Variants in ZNF420 observed in about 807,000 individuals in gnomAD.
The protein encoded by ZNF420 is ATM and p53-associated KZNF protein.
ZNF420 carries 31 observed loss-of-function variants against 44.7 expected under a neutral mutation model. The ratio of observed to expected loss-of-function variants is 0.69; its 90% CI spans 0.52 to 0.94. The LOEUF is 0.94. Ranked by LOEUF, ZNF420 falls within the 40% of genes least tolerant of loss-of-function variation. ZNF420 has a pLI of 0.00. For synonymous variants in ZNF420, 245 were observed against 267.4 expected (o/e 0.92, Z 0.82); for missense variants, 681 against 827.9 (o/e 0.82, Z 2.18).
At position 37,089,296 on chromosome 19, in the gene ZNF420, G is replaced by A. The variant is rs1357974826; in HGVS notation, c.9+169G>A. Among the ~76,000 whole-genome samples, 5 of 152,024 alleles carry A rather than the reference G, an allele frequency of 3.3e-5. No homozygotes were observed. The East Asian group carries it at 5.8e-4, about 18-fold the overall frequency. On this transcript the variant is annotated intron_variant, in intron 3 of 4. Transcript: ENST00000337995. ...AGTGTCTTCCCTAAGTGTGTCTTTC[G>A]AATCTAACCTTTAGTCACATACTTA...
chr19:37,034,424 T>C (rs1967317061), intron 1 of ZNF420, among the ~76,000 whole-genome samples: 1 of 152,232 alleles, frequency 6.6e-6, no homozygotes, highest in East Asian at 1.9e-4. Context: ...TTATCAAATA[T>C]ATTATTTGAA....
chr19:37,052,262 C>T (rs972141262), intron 1 of ZNF420, among the ~76,000 whole-genome samples: 10 of 151,942 alleles, frequency 6.6e-5, no homozygotes, highest in East Asian at 1.9e-4. Context: ...TGTCTCTGCA[C>T]GTGAGATGGG....
At position 37,013,362 on chromosome 19, in the gene ZNF420, G is replaced by A. The variant is rs549926949; in HGVS notation, c.-125+5280G>A. Reference sequence around the variant, plus strand: ...CGTGTGCAGGTTCTCACGTCTTAATGATCCCCTCCATCGTCTGGGGAATGG... The same window carrying A: ...CGTGTGCAGGTTCTCACGTCTTAATAATCCCCTCCATCGTCTGGGGAATGG... On this transcript the variant is annotated intron_variant, in intron 1 of 4. Coordinates refer to the ZNF420 transcript ENST00000587029. Among the ~76,000 whole-genome samples the A allele has an allele frequency of 3.9e-5, 6 of 152,272 alleles. No individual in the cohort carries two copies. In the South Asian group the frequency reaches 1.0e-3, roughly 26 times the overall value.
intron 4 of ZNF420, among the ~76,000 whole-genome samples, chr19:37,103,967 A>ATTTTTTT (rs58366687): frequency 6.9e-6 from 1 of 144,270 alleles, no homozygotes; most frequent in African/African-American, 2.5e-5. Context: ...CTCTTCTCTC[A>ATTTTTTT]TTTTTTTTTT....
intron 4 of ZNF420, among the ~76,000 whole-genome samples, chr19:37,122,665 C>G (rs979777610): frequency 2.6e-5 from 4 of 152,126 alleles, no homozygotes; most frequent in Non-Finnish European, 1.5e-5. Flanking sequence ...TCCGTGCTCT[C>G]TTAATTTTTC....
chr19:37,130,257 A>C lies in ZNF420; in HGVS notation c.*1199A>C. The stretch of plus-strand genomic sequence containing the variant: ...CCTGATGACTTTGTGGAACAGCCAT[A>C]CTAGCTCTGGTCTGCTTGCCTCCTG... On this transcript the variant is annotated 3_prime_UTR_variant, in exon 5 of 5. Coordinates refer to ENST00000337995, the MANE Select transcript of ZNF420 (RefSeq NM_144689.5). 6.6e-7 allele frequency: 1 copy of C among 1,506,140 alleles called. No homozygotes were observed. The highest frequency in any genetic ancestry group is 8.9e-7 in the Non-Finnish European group (1 of 1,126,804). 93.3% of individuals were successfully genotyped at this position (1,506,140 alleles called of 1,614,324 possible). A position where few individuals can be genotyped will look rare whatever the true frequency, so the allele number is the denominator to read the frequency against.
chr19:37,118,457 C>G (rs994281818), intron 4 of ZNF420, among the ~76,000 whole-genome samples: 1 of 152,128 alleles, frequency 6.6e-6, no homozygotes, highest in Admixed American at 6.5e-5. Context: ...CCTAAAAGAG[C>G]TCCTGAAGGA....
At chr19:37,021,646 G>A (rs1163903046) in intron 1 of ZNF420, among the ~76,000 whole-genome samples, 1 of 152,040 alleles carries the variant, frequency 6.6e-6, no homozygotes, top group African/African-American at 2.4e-5. Context: ...CTTTGAAAAT[G>A]AGTAGTTGTA....
intron 1 of ZNF420, among the ~76,000 whole-genome samples, chr19:37,066,621 T>C (rs1967972142): frequency 6.6e-6 from 1 of 152,288 alleles, no homozygotes; most frequent in African/African-American, 2.4e-5. Flanking sequence ...TAATGAGATA[T>C]ATAGCCAGAA....
intron 1 of ZNF420, among the ~76,000 whole-genome samples, chr19:37,057,605 C>G (rs1328430914): frequency 1.3e-5 from 2 of 152,040 alleles, no homozygotes; most frequent in African/African-American, 2.4e-5. Flanking sequence ...TTTTGGTGAG[C>G]CTTTTTTTTG....
intron 4 of ZNF420, among the ~76,000 whole-genome samples, chr19:37,105,808 G>A (rs1489553266): frequency 6.6e-6 from 1 of 152,110 alleles, no homozygotes; most frequent in Non-Finnish European, 1.5e-5. Flanking sequence ...TTGTGAATGG[G>A]AGTTCACTCA....
At chr19:37,025,551 A>G (rs1455695082) in intron 1 of ZNF420, among the ~76,000 whole-genome samples, 3 of 151,826 alleles carry the variant, frequency 2.0e-5, no homozygotes, top group Non-Finnish European at 4.4e-5. Flanking sequence ...TTCTGTGATG[A>G]TACATTATTA....
chr19:37,107,033 T>G (rs1028055206), intron 4 of ZNF420: 1 of 152,164 alleles, frequency 6.6e-6, no homozygotes, highest in African/African-American at 2.4e-5. Flanking sequence ...CCTATCTCAG[T>G]AAATAGAACA....
At chr19:37,071,689 T>C (rs1030451431) in intron 1 of ZNF420, among the ~76,000 whole-genome samples, 2 of 152,062 alleles carry the variant, frequency 1.3e-5, no homozygotes, top group Non-Finnish European at 2.9e-5. Flanking sequence ...TAGTCCCAGC[T>C]ACTCGGGAGG....
chr19:37,116,345 G>A (rs1363465822), intron 4 of ZNF420, among the ~76,000 whole-genome samples: 5 of 142,884 alleles, frequency 3.5e-5, no homozygotes, highest in African/African-American at 1.4e-4. Context: ...CTTCAGCCTG[G>A]GCAACAGAGC....
At chr19:37,035,699 A>C (rs896713721) in intron 1 of ZNF420, among the ~76,000 whole-genome samples, 1 of 152,192 alleles carries the variant, frequency 6.6e-6, no homozygotes, top group Non-Finnish European at 1.5e-5. Context: ...TGCATCCTTC[A>C]TCTACAAAAT....
chr19:37,080,339 GAGTAGAGCCC>G lies in ZNF420; in HGVS notation c.-124-3_-118del. 6.6e-6 allele frequency: 1 copy of G among 152,616 alleles called. No individual in the cohort carries two copies. The highest frequency in any genetic ancestry group is 1.5e-5 in the Non-Finnish European group (1 of 68,038). The allele number at this position is 152,616 out of a possible 1,614,324, so 9.5% of individuals were successfully genotyped here. On this transcript the variant is annotated splice_acceptor_variant and splice_polypyrimidine_tract_variant and 5_prime_UTR_variant and intron_variant, in exon 2 of 5. Transcript: ENST00000337995. LOFTEE classifies it low-confidence loss of function (5UTR_SPLICE). ...TCTCATTCCATTTTTCTTTTTCTGAGAGTAGAGCCCAGAGGAGAAAGAATGGCTGTTTCAG... is the reference window on the plus strand; with the variant it reads ...TCTCATTCCATTTTTCTTTTTCTGAGAGAGGAGAAAGAATGGCTGTTTCAG...
intron 1 of ZNF420, among the ~76,000 whole-genome samples, chr19:37,062,586 G>C (rs148502383): frequency 1.3e-5 from 2 of 152,098 alleles, no homozygotes; most frequent in Admixed American, 1.3e-4. Context: ...ACTTATTTCT[G>C]TATATTTCTA....
chr19:37,041,244 G>C (rs979883839), intron 1 of ZNF420, among the ~76,000 whole-genome samples: 4 of 150,810 alleles, frequency 2.7e-5, no homozygotes, highest in Admixed American at 2.7e-4. Flanking sequence ...CCAGGAGGCG[G>C]AGGTTGCAGT....
Sources: gnomAD v4.1 joint callset for allele counts (sites outside exome capture counted in the v4.1 genomes callset) on GRCh38, gnomAD v4.1.1 for gene constraint, MANE v1.5 for transcripts, NCBI Gene and HGNC (gene_info 2026-07-23, HGNC 2026-07-21) for gene names.